Variants in RBL1 observed in about 807,000 individuals in gnomAD.
The protein encoded by RBL1 is RB transcriptional corepressor like 1.
In RBL1, 82 loss-of-function variants were observed where a neutral mutation model predicts 123.0. The observed-to-expected ratio is 0.67, with a 90% CI of 0.56 to 0.80. The LOEUF (loss-of-function observed/expected upper bound fraction) is 0.80. Ranked by LOEUF, RBL1 falls within the 30% of genes least tolerant of loss-of-function variation. RBL1 has a pLI of 0.00. For synonymous variants in RBL1, 405 were observed against 441.3 expected, an observed-to-expected ratio of 0.92 and a Z score of 1.03; for missense variants, 1,171 against 1,299.6, an observed-to-expected ratio of 0.90 and a Z score of 1.52.
intron 11 of RBL1, among the ~76,000 whole-genome samples, chr20:37,048,575 C>T (rs948581630): frequency 1.3e-5 from 2 of 152,146 alleles, no homozygotes; most frequent in African/African-American, 4.8e-5. Context: ...AGATAAGTCT[C>T]TAATACTATG....
chr20:37,061,962 G>A (rs1224793758), intron 8 of RBL1, 122 bp downstream of exon 8: 1 of 1,150,018 alleles, frequency 8.7e-7, no homozygotes, highest in Non-Finnish European at 1.2e-6. Flanking sequence ...AGGCTTTCAT[G>A]AGAAATATGA....
chr20:37,074,324 A>C (rs2065328618), intron 2 of RBL1, among the ~76,000 whole-genome samples: 2 of 149,682 alleles, frequency 1.3e-5, no homozygotes, highest in South Asian at 4.3e-4. Flanking sequence ...TGAGGTAGGC[A>C]GATCGCTTGA....
At chr20:37,078,020 T>C (rs2065391997) in intron 2 of RBL1, among the ~76,000 whole-genome samples, 3 of 152,238 alleles carry the variant, frequency 2.0e-5, no homozygotes, top group Non-Finnish European at 4.4e-5. Flanking sequence ...GACTTCTTTG[T>C]AACACGAACA....
At chr20:37,029,571 A>G (rs950657730) in intron 16 of RBL1, among the ~76,000 whole-genome samples, 6 of 152,228 alleles carry the variant, frequency 3.9e-5, no homozygotes, top group Non-Finnish European at 8.8e-5. Context: ...TTTATTCAAC[A>G]TAGAACGGGA....
Position 37,065,481 on chromosome 20 carries a change from CA to C in RBL1, c.847-9del, listed in dbSNP as rs749745027. ...GCATTCTCCTTTTAATATCTGTGAA[CA>C]AAAAATTATTTTGGGACACCATATA... On this transcript the variant is annotated splice_polypyrimidine_tract_variant and intron_variant, in intron 6 of 21. Transcript: ENST00000373664. The C allele has an allele frequency of 1.9e-5, 30 of 1,581,070 alleles. No homozygotes were observed. The highest frequency in any genetic ancestry group is 2.4e-5 in the Non-Finnish European group (28 of 1,158,616).
At chr20:37,011,012 G>A (rs1368247769) in intron 19 of RBL1, among the ~76,000 whole-genome samples, 1 of 151,874 alleles carries the variant, frequency 6.6e-6, no homozygotes, top group African/African-American at 2.4e-5. Context: ...GCAGACAGGG[G>A]TCTTGCTGTG....
intron 2 of RBL1, among the ~76,000 whole-genome samples, chr20:37,088,440 AT>A (rs761563305): frequency 3.3e-5 from 5 of 152,114 alleles, no homozygotes; most frequent in Non-Finnish European, 7.3e-5. Context: ...TTATTTCCAA[AT>A]TTTAAAAAAT....
At chr20:37,093,458 G>A (rs186273803) in intron 1 of RBL1, among the ~76,000 whole-genome samples, 1 of 152,070 alleles carries the variant, frequency 6.6e-6, no homozygotes, top group African/African-American at 2.4e-5. Flanking sequence ...GGGCAACATA[G>A]TCAGATACTA....
chr20:37,023,863 C>T (rs2064381526), intron 16 of RBL1, among the ~76,000 whole-genome samples: 2 of 148,834 alleles, frequency 1.3e-5, no homozygotes, highest in South Asian at 4.2e-4. Context: ...ACTGCAACCT[C>T]CACCTCCGGG....
At position 37,029,798 on chromosome 20, in the gene RBL1, CT is replaced by C. The variant is rs751678339; in HGVS notation, c.2382+2866del. ...GTGTTCCTTTACATTAATGAACAATCTAAAAAATGAAATTAAGACAATTCTA... is the reference window on the plus strand; with the variant it reads ...GTGTTCCTTTACATTAATGAACAATCAAAAAATGAAATTAAGACAATTCTA... On this transcript the variant is annotated intron_variant, in intron 16 of 21. Coordinates refer to ENST00000373664, the MANE Select transcript of RBL1 (RefSeq NM_002895.5). Among the ~76,000 whole-genome samples, 17 of 152,174 alleles carry C rather than the reference CT, an allele frequency of 1.1e-4. No individual in the cohort carries two copies. The East Asian group carries it at 3.3e-3, about 29-fold the overall frequency.
intron 19 of RBL1, 79 bp from the exon 20 acceptor site, chr20:37,007,638 G>A: frequency 6.9e-7 from 1 of 1,443,990 alleles, no homozygotes; most frequent in Non-Finnish European, 9.4e-7. Context: ...TGTCACCCAG[G>A]GTGGAGTGCA....
chr20:37,056,882 C>G (rs926678830), intron 9 of RBL1, among the ~76,000 whole-genome samples: 1 of 152,086 alleles, frequency 6.6e-6, no homozygotes, highest in African/African-American at 2.4e-5. Context: ...TTGTGATTGA[C>G]TAACTTCACT....
intron 13 of RBL1, among the ~76,000 whole-genome samples, chr20:37,042,907 CA>C (rs1245245162): frequency 1.1e-3 from 56 of 53,316 alleles, no homozygotes; most frequent in Middle Eastern, 0.012. Context: ...CCCCCCCCTC[CA>C]AAAAAAAAAA....
chr20:37,057,466 CA>C (rs1442810319), intron 9 of RBL1, among the ~76,000 whole-genome samples: 1 of 147,082 alleles, frequency 6.8e-6, no homozygotes, highest in Non-Finnish European at 1.5e-5. Flanking sequence ...TTAGTGATAT[CA>C]AATATTTTTT....
At chr20:37,003,618 CA>C (rs1568811355) in intron 21 of RBL1, 83 bp downstream of exon 21, 1 of 1,442,460 alleles carries the variant, frequency 6.9e-7, no homozygotes. Context: ...GTAACTTGGC[CA>C]AAAAAGAAAA....
intron 15 of RBL1, 45 bp downstream of exon 15, chr20:37,035,197 T>A (rs1367440025): frequency 2.0e-6 from 3 of 1,532,016 alleles, no homozygotes; most frequent in Non-Finnish European, 2.7e-6. Context: ...ATTTCTTAAA[T>A]TTTTATCTCA....
In RBL1 at chr20:37,004,132, G is replaced by A. The variant is rs1266356776; in HGVS notation, c.2872-266C>T. Among the ~76,000 whole-genome samples, 5 of 150,240 alleles carry A rather than the reference G, an allele frequency of 3.3e-5. No homozygotes were observed. In the East Asian group the frequency reaches 5.9e-4, roughly 18 times the overall value. ...GTTGCCCAGGCTGGAGTGCGATGGCGCAATCTAGGCTCACTGCAACCTCTG... is the reference window on the plus strand; with the variant it reads ...GTTGCCCAGGCTGGAGTGCGATGGCACAATCTAGGCTCACTGCAACCTCTG... On this transcript the variant is annotated intron_variant, in intron 20 of 21. Coordinates refer to ENST00000373664, the MANE Select transcript of RBL1 (RefSeq NM_002895.5).
In RBL1 at chr20:37,068,056, G is replaced by T; in HGVS notation, c.421C>A (p.Pro141Thr). The T allele has an allele frequency of 6.2e-7, 1 of 1,613,298 alleles. No homozygotes were observed. The highest frequency in any genetic ancestry group is 8.5e-7 in the Non-Finnish European group (1 of 1,179,838). ...VSTVIFKKYE[P>T]IFLDIFQNPY... Reference sequence around the variant, plus strand: ...TTTTGAAATATATCTAAAAAAATTGGCTCATATTTTTTGAATATTACAGTA... The same window carrying T: ...TTTTGAAATATATCTAAAAAAATTGTCTCATATTTTTTGAATATTACAGTA... Residue 141 changes from proline (P) to threonine (T), a missense_variant, in exon 3 of 22, where the codon CCA becomes ACA. Coordinates refer to ENST00000373664, the MANE Select transcript of RBL1 (RefSeq NM_002895.5).
At chr20:37,049,080 A>G (rs2064861044) in intron 11 of RBL1, among the ~76,000 whole-genome samples, 1 of 151,836 alleles carries the variant, frequency 6.6e-6, no homozygotes, top group Admixed American at 6.6e-5. Context: ...GCATATGCCT[A>G]TAGTCCCAGC....
Sources: gnomAD v4.1 joint callset for allele counts (sites outside exome capture counted in the v4.1 genomes callset) on GRCh38, gnomAD v4.1.1 for gene constraint, MANE v1.5 for transcripts, NCBI Gene and HGNC (gene_info 2026-07-23, HGNC 2026-07-21) for gene names.